Variants in EXT2 observed in about 807,000 individuals in gnomAD.
The protein encoded by EXT2 is exostosin glycosyltransferase 2, also known as exostosin-2.
EXT2 carries 53 observed loss-of-function variants against 81.6 expected under a neutral mutation model. The observed-to-expected ratio is 0.65, with a 90% CI of 0.52 to 0.82. The LOEUF is 0.82. Ranked by LOEUF, EXT2 falls within the 40% of genes least tolerant of loss-of-function variation. EXT2 has a pLI of 0.00. For synonymous variants in EXT2, 320 were observed against 340.0 expected, an observed-to-expected ratio of 0.94 and a Z score of 0.65; for missense variants, 774 against 910.2, an observed-to-expected ratio of 0.85 and a Z score of 1.93.
intron 1 of EXT2, chr11:44,096,198 C>A (rs1437236323): frequency 2.7e-6 from 4 of 1,500,916 alleles, no homozygotes; most frequent in African/African-American, 1.4e-5. Context: ...CGTGACCCCT[C>A]CCTTCCTGCT....
chr11:44,222,947 C>A (rs1440206364), intron 10 of EXT2, among the ~76,000 whole-genome samples: 3 of 152,112 alleles, frequency 2.0e-5, no homozygotes, highest in Non-Finnish European at 4.4e-5. Flanking sequence ...AATGAAAAAA[C>A]AAATAATCCA....
chr11:44,233,198 G>T (rs1955919570), intron 11 of EXT2, among the ~76,000 whole-genome samples: 1 of 152,094 alleles, frequency 6.6e-6, no homozygotes, highest in South Asian at 2.1e-4. Context: ...TGTTGTGTAT[G>T]TATACGTGTG....
intron 7 of EXT2, among the ~76,000 whole-genome samples, chr11:44,156,405 G>A (rs1954856199): frequency 6.6e-6 from 1 of 152,012 alleles, no homozygotes; most frequent in Admixed American, 6.6e-5. Context: ...TTGTAGGCAT[G>A]CTTCATTCTT....
chr11:44,151,213 C>T (rs1313608398), intron 7 of EXT2, among the ~76,000 whole-genome samples: 1 of 151,952 alleles, frequency 6.6e-6, no homozygotes, highest in Non-Finnish European at 1.5e-5. Flanking sequence ...ACATTTCTTA[C>T]AGTTCATGAA....
At chr11:44,185,864 C>A (rs536762181) in intron 8 of EXT2, among the ~76,000 whole-genome samples, 1 of 152,274 alleles carries the variant, frequency 6.6e-6, no homozygotes, top group South Asian at 2.1e-4. Flanking sequence ...TTTTTATGCC[C>A]AGATCAGAGA....
intron 1 of EXT2, among the ~76,000 whole-genome samples, chr11:44,097,912 A>G (rs768746833): frequency 2.4e-4 from 37 of 152,260 alleles, no homozygotes; most frequent in Non-Finnish European, 4.8e-4. Context: ...AATTTTAGGA[A>G]TAAATAATTC....
chr11:44,191,499 T>C (rs544478313), intron 8 of EXT2, among the ~76,000 whole-genome samples: 11 of 152,206 alleles, frequency 7.2e-5, no homozygotes, highest in Non-Finnish European at 1.5e-4. Flanking sequence ...CTTGCCATCA[T>C]GGAGATTTAA....
chr11:44,098,887 C>T (rs1408758083), intron 1 of EXT2, among the ~76,000 whole-genome samples: 1 of 152,006 alleles, frequency 6.6e-6, no homozygotes, highest in Non-Finnish European at 1.5e-5. Flanking sequence ...AGTCAGAGGC[C>T]GTCACATATA....
intron 8 of EXT2, among the ~76,000 whole-genome samples, chr11:44,180,486 T>C (rs937837890): frequency 3.3e-5 from 5 of 152,212 alleles, no homozygotes; most frequent in African/African-American, 1.2e-4. Context: ...TTCCTATCAC[T>C]AATTTAATTT....
At chr11:44,100,097 A>T (rs904106586) in intron 1 of EXT2, among the ~76,000 whole-genome samples, 1 of 152,150 alleles carries the variant, frequency 6.6e-6, no homozygotes, top group Non-Finnish European at 1.5e-5. Context: ...GCTTCTCCAG[A>T]GGGATCCTAG....
intron 8 of EXT2, among the ~76,000 whole-genome samples, chr11:44,194,755 C>G (rs1414398933): frequency 6.6e-6 from 1 of 152,114 alleles, no homozygotes; most frequent in East Asian, 1.9e-4. Context: ...TTGACTGTTT[C>G]AATATCACAC....
intron 8 of EXT2, among the ~76,000 whole-genome samples, chr11:44,195,308 C>G (rs139844201): frequency 3.3e-5 from 5 of 152,104 alleles, no homozygotes; most frequent in African/African-American, 1.2e-4. Context: ...GTGGTGCATG[C>G]CTGTAATCCC....
In EXT2 at chr11:44,126,929, T is replaced by C. The variant is rs1433024545; in HGVS notation, c.1053T>C (p.Pro351=). 2 of 1,614,224 alleles carry C rather than the reference T, an allele frequency of 1.2e-6. No individual in the cohort carries two copies. Among genetic ancestry groups the C allele is most frequent in the Non-Finnish European group, 1.7e-6 (2 of 1,180,034 alleles). ...TCATTGCAGACTCCTATATTTTGCCTTTCTCTGAAGTTCTTGACTGGAAGA... is the reference window on the plus strand; with the variant it reads ...TCATTGCAGACTCCTATATTTTGCCCTTCTCTGAAGTTCTTGACTGGAAGA... ...PVVIADSYIL[P]FSEVLDWKRA... Residue 351 remains proline, a synonymous_variant, in exon 6 of 14, where the codon CCT becomes CCC. Transcript: ENST00000533608.
chr11:44,192,579 G>A (rs1955406551), intron 8 of EXT2, among the ~76,000 whole-genome samples: 1 of 152,116 alleles, frequency 6.6e-6, no homozygotes, highest in Non-Finnish European at 1.5e-5. Context: ...GAGAAGAGTG[G>A]AAGTATTTTG....
At chr11:44,228,655 A>G (rs1170070261) in intron 10 of EXT2, among the ~76,000 whole-genome samples, 1 of 152,190 alleles carries the variant, frequency 6.6e-6, no homozygotes, top group African/African-American at 2.4e-5. Context: ...CATGAGGAAC[A>G]GCGCTCACTA....
In EXT2 at chr11:44,248,342, G is replaced by A. The variant is rs138675910; in HGVS notation, c.*4055G>A. On this transcript the variant is annotated 3_prime_UTR_variant, in exon 14 of 14. Transcript: ENST00000533608. ...ATATTGGCAGCAGCTTCCATCCAGAGAGACTTTGAAAGCAACTTGAGCTTT... is the reference window on the plus strand; with the variant it reads ...ATATTGGCAGCAGCTTCCATCCAGAAAGACTTTGAAAGCAACTTGAGCTTT... 1.2e-3 allele frequency among the ~76,000 whole-genome samples: 179 copies of A among 152,274 alleles called. 2 individuals are homozygous for A. The highest frequency in any genetic ancestry group is 4.3e-3 in the African/African-American group (177 of 41,562).
intron 11 of EXT2, 110 bp downstream of exon 11, chr11:44,232,606 T>C: frequency 1.5e-6 from 2 of 1,346,544 alleles, no homozygotes; most frequent in Non-Finnish European, 2.1e-6. Flanking sequence ...AAAGCCATAT[T>C]GTGTGACAGT....
Position 44,153,797 on chromosome 11 carries a change from G to T in EXT2, c.1174-17814G>T, listed in dbSNP as rs117312837. On this transcript the variant is annotated intron_variant, in intron 7 of 13. Coordinates refer to ENST00000533608, the MANE Select transcript of EXT2 (RefSeq NM_207122.2). ...TGGATTTTTTTCTCTTTAGCTTGTT[G>T]ATGTGGTGGATTACATTAATTGATC... Among the ~76,000 whole-genome samples the T allele has an allele frequency of 1.0e-2, 1,514 of 152,062 alleles. 14 individuals carry two copies. The highest frequency in any genetic ancestry group is 0.017 in the Middle Eastern group (5 of 294).
chr11:44,158,250 G>A (rs1353840116), intron 7 of EXT2, among the ~76,000 whole-genome samples: 2 of 152,200 alleles, frequency 1.3e-5, no homozygotes, highest in African/African-American at 4.8e-5. Context: ...TGCACCCCGA[G>A]TCTGCTGGTT....
Sources: gnomAD v4.1 joint callset for allele counts (sites outside exome capture counted in the v4.1 genomes callset) on GRCh38, gnomAD v4.1.1 for gene constraint, MANE v1.5 for transcripts, NCBI Gene and HGNC (gene_info 2026-07-23, HGNC 2026-07-21) for gene names.